The following PRKN variants were observed in gnomAD, a reference collection of about 807,000 sequenced individuals.
The protein encoded by PRKN is E3 ubiquitin-protein ligase parkin.
Under a neutral mutation model 59.5 loss-of-function variants are expected in PRKN, and 56 were observed. The observed-to-expected ratio is 0.94, with a 90% confidence interval of 0.76 to 1.18. PRKN has a LOEUF of 1.18. Ranked by LOEUF, PRKN falls within the 50% of genes most tolerant of loss-of-function variation. The probability of loss-of-function intolerance (pLI) is 0.00; values close to 1 mark genes in which losing one functional copy is unlikely to be tolerated. For missense variants in PRKN, 657 were observed against 596.4 expected (o/e 1.10, Z -1.06); for synonymous variants, 250 against 222.1 (o/e 1.13, Z -1.12).
chr6:161,361,151 C>T lies in PRKN; in HGVS notation c.1168-946G>A, dbSNP rs1353952658. The stretch of plus-strand genomic sequence containing the variant: ...AGGACCAGCCATTCGCTGATTATCC[C>T]CAGATAAGATGCAGCATCACCAAAA... On this transcript the variant is annotated intron_variant, in intron 10 of 11. Transcript: ENST00000366898. The surrounding 1 kb of genome is among the most constrained non-coding windows in gnomAD (Gnocchi z 5.2). Among the ~76,000 whole-genome samples the T allele has an allele frequency of 6.6e-6, 1 of 152,082 alleles. No homozygotes were observed. Among genetic ancestry groups the T allele is most frequent in the Non-Finnish European group, 1.5e-5 (1 of 68,028 alleles).
chr6:162,407,668 A>G (rs1381530004), intron 2 of PRKN, among the ~76,000 whole-genome samples: 1 of 152,230 alleles, frequency 6.6e-6, no homozygotes, highest in Non-Finnish European at 1.5e-5. Context: ...AGTCATAATT[A>G]AAATGTGAAT....
chr6:161,723,289 G>A (rs1313298751), intron 7 of PRKN, among the ~76,000 whole-genome samples: 2 of 151,778 alleles, frequency 1.3e-5, no homozygotes, highest in Non-Finnish European at 2.9e-5. Context: ...AAAAGTGCAT[G>A]TCTACATGAT....
intron 1 of PRKN, among the ~76,000 whole-genome samples, chr6:162,574,985 T>C (rs912373357): frequency 6.6e-6 from 1 of 152,178 alleles, no homozygotes; most frequent in Admixed American, 6.5e-5. Flanking sequence ...TTTCAAATAT[T>C]CTCTCCCAGT....
At chr6:161,504,691 C>G (rs1443847639) in intron 9 of PRKN, among the ~76,000 whole-genome samples, 3 of 124,338 alleles carry the variant, frequency 2.4e-5, no homozygotes, top group Non-Finnish European at 4.8e-5. Flanking sequence ...CACCCCACAA[C>G]AGTCCCCAGA....
At chr6:162,342,916 G>A (rs892339960) in intron 2 of PRKN, among the ~76,000 whole-genome samples, 1 of 152,096 alleles carries the variant, frequency 6.6e-6, no homozygotes, top group African/African-American at 2.4e-5. Context: ...TAGGAAAAAA[G>A]AGTCCAGGTT....
chr6:161,971,473 CCT>C (rs1780803815), intron 6 of PRKN, among the ~76,000 whole-genome samples: 1 of 152,154 alleles, frequency 6.6e-6, no homozygotes, highest in South Asian at 2.1e-4. Context: ...GCAGTCAAGC[CCT>C]CGCTTTTAGC....
At chr6:162,330,116 C>T (rs548916513) in intron 2 of PRKN, among the ~76,000 whole-genome samples, 1 of 152,286 alleles carries the variant, frequency 6.6e-6, no homozygotes, top group African/African-American at 2.4e-5. Flanking sequence ...AAGTTCTGTC[C>T]TCTGGTGTCC....
intron 9 of PRKN, among the ~76,000 whole-genome samples, chr6:161,508,761 T>C (rs1778266202): frequency 6.6e-6 from 1 of 152,168 alleles, no homozygotes; most frequent in Admixed American, 6.5e-5. Context: ...CCTACTTTTT[T>C]TCCCCCTCAA....
chr6:162,429,239 C>T (rs1045449121), intron 2 of PRKN, among the ~76,000 whole-genome samples: 5 of 152,150 alleles, frequency 3.3e-5, no homozygotes, highest in African/African-American at 1.2e-4. Flanking sequence ...TTTCTTCTAT[C>T]CTTCTGCCCT....
intron 1 of PRKN, among the ~76,000 whole-genome samples, chr6:162,645,226 A>G (rs1360638306): frequency 2.6e-5 from 4 of 152,184 alleles, no homozygotes; most frequent in Admixed American, 1.3e-4. Flanking sequence ...TCCTAACATG[A>G]TTCTTTACAG....
At chr6:161,967,248 C>T (rs1780616968) in intron 6 of PRKN, among the ~76,000 whole-genome samples, 1 of 151,410 alleles carries the variant, frequency 6.6e-6, no homozygotes, top group Admixed American at 6.6e-5. Context: ...TATACATCGG[C>T]CTACATGTTA....
intron 9 of PRKN, among the ~76,000 whole-genome samples, chr6:161,455,521 A>T (rs952328842): frequency 6.6e-6 from 1 of 152,128 alleles, no homozygotes; most frequent in African/African-American, 2.4e-5. Flanking sequence ...AGTGTAGGCT[A>T]TTCTAGTGGA....
chr6:161,678,672 C>A (rs1485683300), intron 7 of PRKN, among the ~76,000 whole-genome samples: 1 of 146,608 alleles, frequency 6.8e-6, no homozygotes, highest in Non-Finnish European at 1.5e-5. Flanking sequence ...TCAAGCAATT[C>A]TCCTGCCTCA....
intron 8 of PRKN, among the ~76,000 whole-genome samples, chr6:161,563,098 C>T (rs944860105): frequency 2.0e-5 from 3 of 152,072 alleles, no homozygotes; most frequent in African/African-American, 7.2e-5. Context: ...GGATGCTCTT[C>T]TGCCCACTCC....
intron 7 of PRKN, among the ~76,000 whole-genome samples, chr6:161,606,228 T>C (rs998888171): frequency 6.6e-6 from 1 of 152,198 alleles, no homozygotes; most frequent in African/African-American, 2.4e-5. Context: ...ATGTGGAAGC[T>C]GCTCAACTCT....
At chr6:162,098,437 C>T (rs1321704602) in intron 4 of PRKN, among the ~76,000 whole-genome samples, 1 of 152,144 alleles carries the variant, frequency 6.6e-6, no homozygotes, top group Non-Finnish European at 1.5e-5. Context: ...GTATGTTTCG[C>T]ATCCGTTGGG....
rs191072903 is a variant in PRKN, at chr6:161,782,301, G to C, written c.871+3471C>G. ...TAATAGGTACTATAGAGTGAAAAAA[G>C]CAAGGTAAAGAAAAATGTGTATAAT... On this transcript the variant is annotated intron_variant, in intron 7 of 11. Coordinates refer to ENST00000366898, the MANE Select transcript of PRKN (RefSeq NM_004562.3). Among the ~76,000 whole-genome samples the C allele has an allele frequency of 6.2e-3, 942 of 152,114 alleles. 5 individuals carry two copies. The highest frequency in any genetic ancestry group is 9.5e-3 in the Non-Finnish European group (646 of 67,988).
intron 1 of PRKN, among the ~76,000 whole-genome samples, chr6:162,689,504 CAGGTTATA>C (rs1777691146): frequency 1.3e-5 from 2 of 152,218 alleles, no homozygotes; most frequent in Non-Finnish European, 2.9e-5. Flanking sequence ...TGTGTTAACA[CAGGTTATA>C]CTACTGGGTA....
In PRKN at chr6:161,584,642, A is replaced by G. The variant is rs1583260752; in HGVS notation, c.872-15226T>C. Among the ~76,000 whole-genome samples, 1 of 152,190 alleles carries G rather than the reference A, an allele frequency of 6.6e-6. No homozygotes were observed. Among genetic ancestry groups the G allele is most frequent in the Admixed American group, 6.6e-5 (1 of 15,262 alleles). On this transcript the variant is annotated intron_variant, in intron 7 of 11. Coordinates refer to ENST00000366898, the MANE Select transcript of PRKN (RefSeq NM_004562.3). The surrounding 1 kb of genome is among the most constrained non-coding windows in gnomAD (Gnocchi z 4.8). ...CCCTCCAATAAAAAGTGTGCAATGA[A>G]TATCTGTTTAAATAGATTTGAGATA...
Sources: gnomAD v4.1 joint callset for allele counts (sites outside exome capture counted in the v4.1 genomes callset) on GRCh38, gnomAD v4.1.1 for gene constraint, Gnocchi (gnomAD v3.1) non-coding constraint, MANE v1.5 for transcripts, NCBI Gene and HGNC (gene_info 2026-07-23, HGNC 2026-07-21) for gene names.